CRADD: variants seen among roughly 807,000 people sequenced by gnomAD.
CRADD encodes the protein CARD and death domain containing adaptor protein.
In CRADD, 9 loss-of-function variants were observed where a neutral mutation model predicts 15.5. That is an observed-to-expected ratio of 0.58 (90% confidence interval 0.35 to 1.01). The LOEUF (loss-of-function observed/expected upper bound fraction) is 1.01, where lower values mean the gene tolerates loss of function less well. Among genes scored for constraint, CRADD ranks in the 50% least tolerant of loss-of-function variants. The probability of loss-of-function intolerance (pLI) is 0.02; values close to 1 mark genes in which losing one functional copy is unlikely to be tolerated. For missense variants in CRADD, 227 were observed against 250.3 expected (o/e 0.91, Z 0.63); for synonymous variants, 118 against 107.6 (o/e 1.10, Z -0.60).
chr12:93,867,242 A>G (rs906142016), intron 2 of CRADD, among the ~76,000 whole-genome samples: 3 of 151,704 alleles, frequency 2.0e-5, no homozygotes, highest in Admixed American at 2.0e-4. Flanking sequence ...TCTGTTTTCT[A>G]ACTCACAACA....
intron 2 of CRADD, among the ~76,000 whole-genome samples, chr12:93,701,165 T>G (rs550839104): frequency 2.0e-5 from 3 of 152,198 alleles, no homozygotes; most frequent in Non-Finnish European, 4.4e-5. Context: ...TATTAATTAT[T>G]GAATTAGATT....
chr12:93,867,388 C>CATATATATATATATATATATATAT (rs150901925), intron 2 of CRADD, among the ~76,000 whole-genome samples: 1 of 52,588 alleles, frequency 1.9e-5, no homozygotes. Flanking sequence ...TTGTATTTGA[C>CATATATATATATATATATATATAT]ATATATATAT....
At chr12:93,754,056 C>A (rs912354856) in intron 2 of CRADD, among the ~76,000 whole-genome samples, 5 of 152,254 alleles carry the variant, frequency 3.3e-5, no homozygotes, top group Non-Finnish European at 5.9e-5. Context: ...GCCATACATT[C>A]TCTGAAATCT....
At chr12:93,756,496 G>A (rs954207387) in intron 2 of CRADD, among the ~76,000 whole-genome samples, 5 of 152,228 alleles carry the variant, frequency 3.3e-5, no homozygotes, top group Non-Finnish European at 5.9e-5. Context: ...CACAAAGAGA[G>A]AGGAGATAAG....
intron 2 of CRADD, chr12:93,733,496 G>A (rs979871581): frequency 2.6e-5 from 4 of 152,318 alleles, no homozygotes; most frequent in African/African-American, 9.7e-5. Context: ...CTGAAGAGGT[G>A]ATGTCATGGG....
chr12:93,789,467 T>C (rs1957324829), intron 2 of CRADD, among the ~76,000 whole-genome samples: 2 of 152,198 alleles, frequency 1.3e-5, no homozygotes, highest in Admixed American at 6.5e-5. Flanking sequence ...AGGGGATGAC[T>C]AAGGAGCACA....
chr12:93,686,889 G>A (rs2136804115), intron 2 of CRADD, among the ~76,000 whole-genome samples: 1 of 151,708 alleles, frequency 6.6e-6, no homozygotes, highest in African/African-American at 2.4e-5. Context: ...AATTGAAAGA[G>A]GCTTTTTAAA....
chr12:93,768,793 A>G (rs1957052688), intron 2 of CRADD, among the ~76,000 whole-genome samples: 1 of 152,192 alleles, frequency 6.6e-6, no homozygotes, highest in Non-Finnish European at 1.5e-5. Flanking sequence ...ACTTAGGTCA[A>G]GCAACAATAT....
intron 2 of CRADD, among the ~76,000 whole-genome samples, chr12:93,747,265 G>T (rs772131763): frequency 1.4e-4 from 22 of 152,044 alleles, no homozygotes; most frequent in Non-Finnish European, 2.4e-4. Flanking sequence ...GAGCAGAAAA[G>T]GACCTCCTCT....
At chr12:93,780,836 GT>G (rs1399455014) in intron 2 of CRADD, among the ~76,000 whole-genome samples, 14 of 121,920 alleles carry the variant, frequency 1.1e-4, no homozygotes, top group African/African-American at 4.3e-4. Context: ...TGCCTCCTAG[GT>G]TCAAGTGATT....
chr12:93,733,508 C>G (rs1956507417), intron 2 of CRADD: 1 of 152,244 alleles, frequency 6.6e-6, no homozygotes, highest in Admixed American at 6.5e-5. Flanking sequence ...TGTCATGGGC[C>G]TCTGATGCTG....
At chr12:93,840,870 T>A (rs1404865378) in intron 2 of CRADD, among the ~76,000 whole-genome samples, 1 of 152,178 alleles carries the variant, frequency 6.6e-6, no homozygotes, top group African/African-American at 2.4e-5. Flanking sequence ...GGACGTCCAA[T>A]ACTGTATTCC....
At chr12:93,808,156 A>G (rs1023531493) in intron 2 of CRADD, among the ~76,000 whole-genome samples, 2 of 151,522 alleles carry the variant, frequency 1.3e-5, no homozygotes, top group African/African-American at 4.9e-5. Flanking sequence ...GTGAAGGGAG[A>G]GCTCAGGCTT....
chr12:93,712,806 A>G (rs1956097215), intron 2 of CRADD, among the ~76,000 whole-genome samples: 1 of 152,216 alleles, frequency 6.6e-6, no homozygotes, highest in Non-Finnish European at 1.5e-5. Flanking sequence ...GGTTATTAAA[A>G]GGATGATTTG....
chr12:93,791,349 A>G (rs1203103162), intron 2 of CRADD, among the ~76,000 whole-genome samples: 1 of 152,186 alleles, frequency 6.6e-6, no homozygotes, highest in Non-Finnish European at 1.5e-5. Context: ...CTTGAAAAAA[A>G]GGAAGGAAAC....
At chr12:93,771,471 T>C (rs1957084661) in intron 2 of CRADD, among the ~76,000 whole-genome samples, 4 of 152,238 alleles carry the variant, frequency 2.6e-5, no homozygotes, top group African/African-American at 9.6e-5. Context: ...TATTACTTAA[T>C]AATTGCTCTT....
intron 2 of CRADD, among the ~76,000 whole-genome samples, chr12:93,795,867 A>G (rs1195103287): frequency 2.0e-5 from 3 of 152,202 alleles, no homozygotes; most frequent in African/African-American, 7.2e-5. Context: ...AAGGGCAAGG[A>G]TATTAATTTG....
At chr12:93,859,428 A>C (rs1360644220) in intron 2 of CRADD, 1 of 446,784 alleles carries the variant, frequency 2.2e-6, no homozygotes, top group Non-Finnish European at 4.5e-6. Flanking sequence ...GTGTGGAGTA[A>C]CTGGGAATTG....
At chr12:93,730,791 C>T (rs1420216368) in intron 2 of CRADD, among the ~76,000 whole-genome samples, 1 of 151,060 alleles carries the variant, frequency 6.6e-6, no homozygotes, top group Non-Finnish European at 1.5e-5. Context: ...TCTCGGCTCA[C>T]TGCAACCTCC....
Sources: allele counts gnomAD v4.1 joint callset (sites outside exome capture counted in the v4.1 genomes callset), GRCh38; gene constraint gnomAD v4.1.1; transcripts MANE v1.5; gene names NCBI Gene and HGNC (gene_info 2026-07-23, HGNC 2026-07-21).